The following DNM2 variants were observed in gnomAD, a reference collection of about 807,000 sequenced individuals.
DNM2 encodes dynamin 2.
In DNM2, 15 loss-of-function variants were observed where a neutral mutation model predicts 99.0. That is an observed-to-expected ratio of 0.15 (90% CI 0.10 to 0.23). The LOEUF (loss-of-function observed/expected upper bound fraction) is 0.23. Among genes scored for constraint, DNM2 ranks in the 10% least tolerant of loss-of-function variants. DNM2 has a pLI of 1.00. For synonymous variants in DNM2, 525 were observed against 481.2 expected, an observed-to-expected ratio of 1.09 and a Z score of -1.19; for missense variants, 742 against 1,189.4, an observed-to-expected ratio of 0.62 and a Z score of 5.53.
intron 7 of DNM2, among the ~76,000 whole-genome samples, chr19:10,792,276 TG>T (rs1310759904): frequency 6.6e-6 from 1 of 152,164 alleles, no homozygotes; most frequent in Non-Finnish European, 1.5e-5. Context: ...CCCCTTTCTT[TG>T]GCAGCCCAGC....
chr19:10,764,193 G>A lies in DNM2; in HGVS notation c.235+4382G>A, dbSNP rs1421597407. ...CCAGGCTGCCACCCTTTACTGGCCC[G>A]GGACTTGTTAAAGTGACTTCCCTCT... On this transcript the variant is annotated intron_variant, in intron 2 of 20. Transcript: ENST00000389253. The surrounding 1 kb of genome is among the most constrained non-coding windows in gnomAD (Gnocchi z 4.1). Among the ~76,000 whole-genome samples the A allele has an allele frequency of 2.0e-5, 3 of 152,140 alleles. No homozygotes were observed. Among genetic ancestry groups the A allele is most frequent in the Non-Finnish European group, 4.4e-5 (3 of 68,018 alleles).
At chr19:10,757,740 C>G (rs577422483) in intron 1 of DNM2, among the ~76,000 whole-genome samples, 61 of 151,936 alleles carry the variant, frequency 4.0e-4, no homozygotes, top group Non-Finnish European at 6.9e-4. Flanking sequence ...AGGTTGAGTT[C>G]GAGACCACTC....
In DNM2 at chr19:10,823,918, C is replaced by T. The variant is rs1327397775; in HGVS notation, c.1893+19C>T. ...GGACCAGGTGAGGAGCCGTCCTGCG[C>T]AGCCAGGCCCAGAGCCCCCACCTGG... On this transcript the variant is annotated intron_variant, in intron 17 of 20. Coordinates refer to ENST00000389253, the MANE Select transcript of DNM2 (RefSeq NM_001005361.3). 1 of 1,609,968 alleles carries T rather than the reference C, an allele frequency of 6.2e-7. No homozygotes were observed. The highest frequency in any genetic ancestry group is 8.5e-7 in the Non-Finnish European group (1 of 1,178,502).
chr19:10,816,402 C>A lies in DNM2; in HGVS notation c.1672-3578C>A, dbSNP rs77401975. On this transcript the variant is annotated intron_variant, in intron 15 of 20. Coordinates refer to ENST00000389253, the MANE Select transcript of DNM2 (RefSeq NM_001005361.3). The surrounding 1 kb of genome is among the most constrained non-coding windows in gnomAD (Gnocchi z 4.6). ...GGAGTCTGCTGAGCCACCATACAAG[C>A]ATTTCTGGGGTCCCTGTGGAAGCTT... Among the ~76,000 whole-genome samples, 32 of 152,230 alleles carry A rather than the reference C, an allele frequency of 2.1e-4. No homozygotes were observed. The East Asian group carries it at 6.0e-3, about 29-fold the overall frequency.
intron 7 of DNM2, among the ~76,000 whole-genome samples, chr19:10,792,603 T>TC (rs1463878667): frequency 6.6e-6 from 1 of 152,172 alleles, no homozygotes; most frequent in African/African-American, 2.4e-5. Flanking sequence ...AAATTTTCTT[T>TC]CTTTTTTTTC....
chr19:10,792,148 TTGTG>T (rs2071774678), intron 7 of DNM2, among the ~76,000 whole-genome samples: 1 of 152,184 alleles, frequency 6.6e-6, no homozygotes, highest in Non-Finnish European at 1.5e-5. Flanking sequence ...ACCTAGGCCT[TTGTG>T]TGTCTCCTGG....
chr19:10,769,841 C>T (rs2070918597), intron 2 of DNM2, among the ~76,000 whole-genome samples: 1 of 152,166 alleles, frequency 6.6e-6, no homozygotes, highest in Non-Finnish European at 1.5e-5. Context: ...ACACGGTCCT[C>T]AGTCATCGGA....
intron 1 of DNM2, among the ~76,000 whole-genome samples, chr19:10,754,394 A>C (rs746325800): frequency 6.6e-6 from 1 of 151,092 alleles, no homozygotes; most frequent in Admixed American, 6.6e-5. Context: ...CTGGGACTAC[A>C]GGCACCCTCC....
intron 16 of DNM2, among the ~76,000 whole-genome samples, chr19:10,822,501 T>A (rs1321878938): frequency 1.3e-5 from 2 of 151,814 alleles, no homozygotes; most frequent in Non-Finnish European, 2.9e-5. Context: ...TTTACAAAAA[T>A]TTTTTTGTTT....
chr19:10,723,226 T>C (rs2069000492), intron 1 of DNM2, among the ~76,000 whole-genome samples: 1 of 151,050 alleles, frequency 6.6e-6, no homozygotes, highest in African/African-American at 2.4e-5. Flanking sequence ...CCTCCCCTCC[T>C]GGTTTCAAGC....
At chr19:10,819,893 TG>T in intron 15 of DNM2, 86 bp from the exon 16 acceptor site, 2 of 1,223,368 alleles carry the variant, frequency 1.6e-6, no homozygotes, top group Non-Finnish European at 2.4e-6. Context: ...CCGGGGCTGG[TG>T]GTGGCGCATG....
chr19:10,783,255 T>G, intron 6 of DNM2, 135 bp downstream of exon 6: 1 of 1,376,800 alleles, frequency 7.3e-7, no homozygotes, highest in South Asian at 1.2e-5. Context: ...ACATTTAGCC[T>G]AGGAGTTTGA....
Position 10,830,469 on chromosome 19 carries a change from T to A in DNM2, c.2543+91T>A. The A allele has an allele frequency of 7.1e-7, 1 of 1,409,184 alleles. No individual in the cohort carries two copies. Among genetic ancestry groups the A allele is most frequent in the Non-Finnish European group, 9.7e-7 (1 of 1,025,984 alleles). 87.3% of individuals were successfully genotyped at this position (1,409,184 alleles called of 1,614,324 possible). A position where few individuals can be genotyped will look rare whatever the true frequency, so the allele number is the denominator to read the frequency against. On this transcript the variant is annotated intron_variant, in intron 20 of 20. Transcript: ENST00000389253. The surrounding 1 kb of genome is among the most constrained non-coding windows in gnomAD (Gnocchi z 4.8). ...TTCCTCCCAGTGAGCTCTCACTACG[T>A]GCCCAGCTGCTGGAGTGGAGGAATC...
At chr19:10,779,352 T>C (rs560635202) in intron 5 of DNM2, among the ~76,000 whole-genome samples, 1 of 152,144 alleles carries the variant, frequency 6.6e-6, no homozygotes, top group African/African-American at 2.4e-5. Flanking sequence ...CCTCTCCCAC[T>C]TTCAACGTGC....
At chr19:10,802,612 G>C in intron 12 of DNM2, 1 of 543,104 alleles carries the variant, frequency 1.8e-6, no homozygotes, top group Admixed American at 2.8e-5. Flanking sequence ...GCTATGTTCA[G>C]ATCTGCAGGG....
chr19:10,796,284 G>A lies in DNM2; in HGVS notation c.1196+845G>A, dbSNP rs1412582864. 6 of 1,592,596 alleles carry A rather than the reference G, an allele frequency of 3.8e-6. No individual in the cohort carries two copies. In the Admixed American group the frequency reaches 1.0e-4, roughly 27 times the overall value. On this transcript the variant is annotated intron_variant, in intron 9 of 20. Coordinates refer to ENST00000389253, the MANE Select transcript of DNM2 (RefSeq NM_001005361.3). The surrounding 1 kb of genome is among the most constrained non-coding windows in gnomAD (Gnocchi z 5.6). Reference sequence around the variant, plus strand: ...GTATCAGGCTCCCAGCGCCTCATTGGCCCCCACTGGTGCCTTTTCTCCCCA... The same window carrying A: ...GTATCAGGCTCCCAGCGCCTCATTGACCCCCACTGGTGCCTTTTCTCCCCA...
In DNM2 at chr19:10,795,595, CCAAGG is replaced by C; in HGVS notation, c.1196+157_1196+161del. The C allele has an allele frequency of 2.5e-6, 2 of 793,560 alleles. No homozygotes were observed. The highest frequency in any genetic ancestry group is 4.2e-6 in the Non-Finnish European group (2 of 471,830). 49.2% of individuals were successfully genotyped at this position (793,560 alleles called of 1,614,324 possible). ...GCTGCGAGCCCCTCCCTGAGGGTCT[CCAAGG>C]GCACATGAGGGTGGATGTGTCTTAG... On this transcript the variant is annotated intron_variant, in intron 9 of 20. Transcript: ENST00000389253. The surrounding 1 kb of genome is among the most constrained non-coding windows in gnomAD (Gnocchi z 4.2).
chr19:10,740,604 G>A (rs1439565052), intron 1 of DNM2, among the ~76,000 whole-genome samples: 1 of 152,172 alleles, frequency 6.6e-6, no homozygotes, highest in African/African-American at 2.4e-5. Flanking sequence ...TCAAACTCCT[G>A]ACCTCAGGTG....
intron 6 of DNM2, among the ~76,000 whole-genome samples, chr19:10,784,897 C>T (rs2071505432): frequency 7.0e-6 from 1 of 143,104 alleles, no homozygotes; most frequent in Admixed American, 7.3e-5. Context: ...GATCTCAGCT[C>T]ACTCCAGCCT....
Sources: gnomAD v4.1 joint callset for allele counts (sites outside exome capture counted in the v4.1 genomes callset) on GRCh38, gnomAD v4.1.1 for gene constraint, Gnocchi (gnomAD v3.1) non-coding constraint, MANE v1.5 for transcripts, NCBI Gene and HGNC (gene_info 2026-07-23, HGNC 2026-07-21) for gene names.